SLIT2: variants seen among roughly 807,000 people sequenced by gnomAD.
The protein encoded by SLIT2 is slit guidance ligand 2.
Under a neutral mutation model 185.7 loss-of-function variants are expected in SLIT2, and 41 were observed. That is an observed-to-expected ratio of 0.22 (90% CI 0.17 to 0.29). SLIT2 has a LOEUF of 0.29. Among genes scored for constraint, SLIT2 ranks in the 10% least tolerant of loss-of-function variants. The probability of loss-of-function intolerance (pLI) is 1.00; values close to 1 mark genes in which losing one functional copy is unlikely to be tolerated. For missense variants in SLIT2, 1,571 were observed against 1,909.0 expected, an observed-to-expected ratio of 0.82 and a Z score of 3.30; for synonymous variants, 693 against 680.2, an observed-to-expected ratio of 1.02 and a Z score of -0.29.
intron 4 of SLIT2, among the ~76,000 whole-genome samples, chr4:20,374,157 A>C (rs1179456889): frequency 6.6e-6 from 1 of 152,108 alleles, no homozygotes; most frequent in African/African-American, 2.4e-5. Context: ...TACTTGATGA[A>C]GGTACAGGGA....
intron 4 of SLIT2, among the ~76,000 whole-genome samples, chr4:20,341,423 G>T (rs976416634): frequency 6.6e-6 from 1 of 152,184 alleles, no homozygotes; most frequent in African/African-American, 2.4e-5. Flanking sequence ...GTAACTTTTA[G>T]TGTTCACCAA....
chr4:20,384,527 T>C (rs929966224), intron 4 of SLIT2, among the ~76,000 whole-genome samples: 1 of 152,158 alleles, frequency 6.6e-6, no homozygotes, highest in Non-Finnish European at 1.5e-5. Context: ...AAAAATAAGA[T>C]ATAAGAATCT....
intron 4 of SLIT2, among the ~76,000 whole-genome samples, chr4:20,433,071 GA>G (rs200382431): frequency 2.0e-4 from 30 of 149,030 alleles, no homozygotes; most frequent in African/African-American, 5.6e-4. Context: ...AGGAATGCTA[GA>G]AAAAAAAAAT....
chr4:20,581,955 C>T (rs1219048468), intron 29 of SLIT2, among the ~76,000 whole-genome samples: 2 of 152,176 alleles, frequency 1.3e-5, no homozygotes, highest in African/African-American at 4.8e-5. Flanking sequence ...CCATCTTGGC[C>T]AGGCTTGTCT....
At chr4:20,269,432 G>A (rs1015425738) in intron 4 of SLIT2, among the ~76,000 whole-genome samples, 3 of 151,922 alleles carry the variant, frequency 2.0e-5, no homozygotes, top group South Asian at 2.1e-4. Context: ...TATCAAATAC[G>A]TCATAGACTA....
intron 4 of SLIT2, among the ~76,000 whole-genome samples, chr4:20,302,411 G>A (rs1231452491): frequency 1.3e-5 from 2 of 152,086 alleles, no homozygotes; most frequent in Non-Finnish European, 2.9e-5. Flanking sequence ...GTTATCCAGT[G>A]TCTGCTACAT....
At chr4:20,442,545 G>GT (rs1449417546) in intron 4 of SLIT2, among the ~76,000 whole-genome samples, 8 of 98,040 alleles carry the variant, frequency 8.2e-5, no homozygotes, top group African/African-American at 4.1e-4. Flanking sequence ...AAAAAAAAAG[G>GT]GGGGGGAGGG....
At position 20,251,950 on chromosome 4, in the gene SLIT2, C is replaced by T. The variant is rs1202040338; in HGVS notation, c.-1866C>T. On this transcript the variant is annotated 5_prime_UTR_variant, in exon 1 of 37. Transcript: ENST00000504154. ...GAAGCGCCCGGACGGCGGAGCTTGG[C>T]GGCGGCGGTGGTGGTGGCTGCCGCA... Among the ~76,000 whole-genome samples, 1 of 152,068 alleles carries T rather than the reference C, an allele frequency of 6.6e-6. No individual in the cohort carries two copies. The highest frequency in any genetic ancestry group is 1.5e-5 in the Non-Finnish European group (1 of 67,994).
At chr4:20,439,759 C>T (rs1729607337) in intron 4 of SLIT2, among the ~76,000 whole-genome samples, 1 of 152,184 alleles carries the variant, frequency 6.6e-6, no homozygotes, top group South Asian at 2.1e-4. Flanking sequence ...AACTCACAAT[C>T]TACTAATATC....
chr4:20,484,245 G>A lies in SLIT2; in HGVS notation c.540-1955G>A, dbSNP rs1043065626. On this transcript the variant is annotated intron_variant, in intron 6 of 36. Coordinates refer to ENST00000504154, the MANE Select transcript of SLIT2 (RefSeq NM_004787.4). The surrounding 1 kb of genome is among the most constrained non-coding windows in gnomAD (Gnocchi z 4.3). The stretch of plus-strand genomic sequence containing the variant: ...TAAAGATTTTAGCCATATTAAGTCA[G>A]CATAAATTTTGAGGATGGGAAAAGG... Among the ~76,000 whole-genome samples the A allele has an allele frequency of 2.6e-5, 4 of 152,054 alleles. No individual in the cohort carries two copies. Among genetic ancestry groups the A allele is most frequent in the Admixed American group, 1.3e-4 (2 of 15,246 alleles).
intron 9 of SLIT2, among the ~76,000 whole-genome samples, chr4:20,499,300 A>G (rs1216363089): frequency 6.6e-6 from 1 of 152,094 alleles, no homozygotes; most frequent in Non-Finnish European, 1.5e-5. Context: ...TTGTAGGTAT[A>G]TGTTGCAAAT....
intron 4 of SLIT2, among the ~76,000 whole-genome samples, chr4:20,401,094 T>G (rs1294152474): frequency 2.6e-5 from 4 of 151,854 alleles, no homozygotes; most frequent in African/African-American, 9.7e-5. Flanking sequence ...TTGATTGGTC[T>G]TTCATCATTA....
At chr4:20,523,992 T>A (rs372162367) in intron 13 of SLIT2, 22 bp from the exon 14 acceptor site, 159 of 1,613,790 alleles carry the variant, frequency 9.9e-5, no homozygotes, top group Non-Finnish European at 1.2e-4. Context: ...TCTATAAAAC[T>A]GTTCTGTATG....
intron 4 of SLIT2, among the ~76,000 whole-genome samples, chr4:20,379,047 GT>G (rs1201203211): frequency 6.6e-6 from 1 of 152,116 alleles, no homozygotes. Context: ...TTTTAGGCCA[GT>G]GAAACTATTC....
In SLIT2 at chr4:20,549,095, G is replaced by A. The variant is rs139280468; in HGVS notation, c.2456G>A (p.Arg819His). The A allele has an allele frequency of 2.4e-5, 38 of 1,598,750 alleles. No individual in the cohort carries two copies. The highest frequency in any genetic ancestry group is 2.0e-4 in the Admixed American group (12 of 59,840). The change falls in exon 24 of 37, where the codon CGC becomes CAC. Residue 819 changes from arginine to histidine, a missense_variant. Around this residue, in one of 3 missense-constraint regions of SLIT2, gnomAD observed 1,202 missense variants for 1,416.4 expected, o/e 0.85. Transcript: ENST00000504154. ...AACCGTCTGAGATGTATTCCTCCTCGCACCTTTGATGGATTAAAGTCTCTT... is the reference window on the plus strand; with the variant it reads ...AACCGTCTGAGATGTATTCCTCCTCACACCTTTGATGGATTAAAGTCTCTT... ...SYNRLRCIPP[R>H]TFDGLKSLRL...
intron 26 of SLIT2, among the ~76,000 whole-genome samples, chr4:20,558,033 T>C (rs1000197791): frequency 5.3e-5 from 8 of 152,170 alleles, no homozygotes; most frequent in East Asian, 1.9e-4. Flanking sequence ...AGATGCTTCT[T>C]ACGGATGAGC....
chr4:20,522,163 A>G (rs1407898556), intron 12 of SLIT2, among the ~76,000 whole-genome samples: 1 of 152,060 alleles, frequency 6.6e-6, no homozygotes, highest in East Asian at 1.9e-4. Flanking sequence ...CATTCAAACT[A>G]TGTATGTATA....
chr4:20,284,746 T>G (rs1715105065), intron 4 of SLIT2, among the ~76,000 whole-genome samples: 1 of 152,248 alleles, frequency 6.6e-6, no homozygotes, highest in South Asian at 2.1e-4. Context: ...CAACACTTTT[T>G]ATATTATTTG....
chr4:20,296,776 G>A (rs765834103), intron 4 of SLIT2, among the ~76,000 whole-genome samples: 2 of 152,192 alleles, frequency 1.3e-5, no homozygotes, highest in African/African-American at 4.8e-5. Context: ...GCGTTTAACT[G>A]AATGTATCCC....
Sources: gnomAD v4.1 joint callset for allele counts (sites outside exome capture counted in the v4.1 genomes callset) on GRCh38, gnomAD v4.1.1 for gene constraint, gnomAD v4.1.1 regional missense constraint, Gnocchi (gnomAD v3.1) non-coding constraint, MANE v1.5 for transcripts, NCBI Gene and HGNC (gene_info 2026-07-23, HGNC 2026-07-21) for gene names.